Variants in TRIQK observed in about 807,000 individuals in gnomAD.
TRIQK encodes the protein triple QxxK/R motif-containing protein.
A neutral mutation model predicts 10.8 loss-of-function variants in TRIQK; 10 were observed. The observed-to-expected ratio is 0.92, with a 90% CI of 0.57 to 1.57. The LOEUF is 1.57. Among genes scored for constraint, TRIQK ranks in the 40% most tolerant of loss-of-function variants. The pLI is 0.00. For synonymous variants in TRIQK, 33 were observed against 33.7 expected, an observed-to-expected ratio of 0.98 and a Z score of 0.07; for missense variants, 107 against 97.7, an observed-to-expected ratio of 1.09 and a Z score of -0.40.
intron 1 of TRIQK, among the ~76,000 whole-genome samples, chr8:93,010,802 A>G (rs910737147): frequency 6.6e-6 from 1 of 152,190 alleles, no homozygotes; most frequent in Non-Finnish European, 1.5e-5. Context: ...ACAAATTGGA[A>G]CATAAAGAGG....
chr8:92,994,259 C>T (rs1330199875), intron 1 of TRIQK, among the ~76,000 whole-genome samples: 2 of 152,042 alleles, frequency 1.3e-5, no homozygotes, highest in African/African-American at 4.8e-5. Context: ...TTCTGTCTTA[C>T]TGAGCTTAAC....
intron 3 of TRIQK, among the ~76,000 whole-genome samples, chr8:92,907,452 A>T (rs990785917): frequency 3.9e-5 from 6 of 152,222 alleles, no homozygotes; most frequent in Admixed American, 3.3e-4. Flanking sequence ...TTAAAAATAT[A>T]TACTTGAAAA....
intron 2 of TRIQK, among the ~76,000 whole-genome samples, chr8:92,918,119 A>G (rs1370859570): frequency 1.3e-5 from 2 of 152,064 alleles, no homozygotes; most frequent in Non-Finnish European, 2.9e-5. Context: ...CTATCCATTC[A>G]TCTACTGATG....
At position 92,984,003 on chromosome 8, in the gene TRIQK, C is replaced by T. The variant is rs192709232; in HGVS notation, c.-180-29439G>A. On this transcript the variant is annotated intron_variant, in intron 1 of 4. Transcript: ENST00000520686. ...AAGTCACTCCGACCTCTCCAAGTTT[C>T]GGTTACGTGAAAAATATCTATTTGT... 3.7e-4 allele frequency among the ~76,000 whole-genome samples: 57 copies of T among 152,022 alleles called. No individual in the cohort carries two copies. The East Asian group carries it at 8.1e-3, about 22-fold the overall frequency.
At chr8:92,956,235 T>C (rs1316296794) in intron 1 of TRIQK, among the ~76,000 whole-genome samples, 3 of 151,860 alleles carry the variant, frequency 2.0e-5, no homozygotes, top group Non-Finnish European at 4.4e-5. Context: ...TGCTGCAACA[T>C]GGATGAACTT....
intron 1 of TRIQK, among the ~76,000 whole-genome samples, chr8:92,960,046 T>C (rs918417656): frequency 3.3e-5 from 5 of 152,148 alleles, no homozygotes; most frequent in African/African-American, 1.2e-4. Flanking sequence ...AATTTTGTGA[T>C]TTTTGTGTCT....
At chr8:92,931,352 A>G (rs576310405) in intron 2 of TRIQK, among the ~76,000 whole-genome samples, 1 of 152,300 alleles carries the variant, frequency 6.6e-6, no homozygotes, top group East Asian at 1.9e-4. Flanking sequence ...TAAAACTACT[A>G]TTAATAAGTT....
Position 92,884,471 on chromosome 8 carries a change from C to G in TRIQK, c.*2151G>C, listed in dbSNP as rs150955938. ...AGCTATCATAAATCAATCAGTCATA[C>G]GAATGGACTAGCTGTAGACTCAGGA... On this transcript the variant is annotated 3_prime_UTR_variant, in exon 5 of 5. Coordinates refer to ENST00000521988, the MANE Select transcript of TRIQK (RefSeq NM_001171797.2). 106 of 227,410 alleles carry G rather than the reference C, an allele frequency of 4.7e-4. No individual in the cohort carries two copies. Among genetic ancestry groups the G allele is most frequent in the African/African-American group, 2.1e-3 (91 of 43,050 alleles). 14.1% of individuals were successfully genotyped at this position (227,410 alleles called of 1,614,324 possible).
intron 3 of TRIQK, among the ~76,000 whole-genome samples, chr8:92,896,711 T>G (rs1808617967): frequency 6.6e-6 from 1 of 152,124 alleles, no homozygotes; most frequent in African/African-American, 2.4e-5. Context: ...CCCTGTTGGG[T>G]TTTGGACTTG....
At chr8:93,007,256 G>A (rs867541849) in intron 1 of TRIQK, among the ~76,000 whole-genome samples, 1 of 152,146 alleles carries the variant, frequency 6.6e-6, no homozygotes, top group Non-Finnish European at 1.5e-5. Flanking sequence ...GCAGCCCTAC[G>A]GAAGCACATA....
At chr8:92,932,879 T>A (rs1810805758) in intron 2 of TRIQK, among the ~76,000 whole-genome samples, 1 of 152,176 alleles carries the variant, frequency 6.6e-6, no homozygotes, top group Non-Finnish European at 1.5e-5. Flanking sequence ...TTCAAGGTGG[T>A]TTGTGTCCTT....
At chr8:92,922,504 G>A (rs1810239822) in intron 2 of TRIQK, 1 of 151,602 alleles carries the variant, frequency 6.6e-6, no homozygotes, top group Non-Finnish European at 1.5e-5. Flanking sequence ...CTGCCAAAAT[G>A]GTTACTCATT....
chr8:92,941,521 C>T (rs1372477359), intron 2 of TRIQK, among the ~76,000 whole-genome samples: 1 of 151,950 alleles, frequency 6.6e-6, no homozygotes, highest in Non-Finnish European at 1.5e-5. Flanking sequence ...CATAACATTG[C>T]ACCTCAAGGA....
chr8:92,968,244 T>C (rs1244926417), upstream of TRIQK, among the ~76,000 whole-genome samples: 2 of 152,212 alleles, frequency 1.3e-5, no homozygotes, highest in Admixed American at 6.5e-5. Context: ...CTATTGTGAA[T>C]AGTGCTGCAA....
intron 1 of TRIQK, among the ~76,000 whole-genome samples, chr8:92,994,158 T>C (rs1813126757): frequency 6.6e-6 from 1 of 152,194 alleles, no homozygotes; most frequent in Non-Finnish European, 1.5e-5. Context: ...ACTATCTTCT[T>C]TTTAATAGTT....
chr8:93,014,406 T>C lies in TRIQK; in HGVS notation c.-181+3203A>G, dbSNP rs192519453. Among the ~76,000 whole-genome samples, 780 of 152,200 alleles carry C rather than the reference T, an allele frequency of 5.1e-3. 5 individuals carry two copies. The highest frequency in any genetic ancestry group is 7.9e-3 in the Non-Finnish European group (538 of 67,944). ...CTGGCCATTTTGCTATATGAACAAC[T>C]ATGAGGAAAAAAGTCTTAACATTTG... On this transcript the variant is annotated intron_variant, in intron 1 of 4. Transcript: ENST00000520686.
chr8:92,966,839 TG>T (rs1812768677), upstream of TRIQK, among the ~76,000 whole-genome samples: 1 of 152,156 alleles, frequency 6.6e-6, no homozygotes, highest in South Asian at 2.1e-4. Context: ...TTTAATATTG[TG>T]GTGAACTAAA....
intron 3 of TRIQK, among the ~76,000 whole-genome samples, chr8:92,902,546 G>A (rs73313302): frequency 4.4e-4 from 67 of 152,208 alleles, no homozygotes; most frequent in African/African-American, 1.6e-3. Flanking sequence ...GCCAGGTACC[G>A]GTTCACCTGT....
chr8:93,005,610 C>A (rs569691545), intron 1 of TRIQK, among the ~76,000 whole-genome samples: 3 of 151,960 alleles, frequency 2.0e-5, no homozygotes, highest in African/African-American at 7.3e-5. Context: ...CTCAACATCC[C>A]TTCACAATAA....
Sources: gnomAD v4.1 joint callset for allele counts (sites outside exome capture counted in the v4.1 genomes callset) on GRCh38, gnomAD v4.1.1 for gene constraint, MANE v1.5 for transcripts, NCBI Gene and HGNC (gene_info 2026-07-23, HGNC 2026-07-21) for gene names.